ZNF229: variants seen among roughly 807,000 people sequenced by gnomAD.
The protein encoded by ZNF229 is zinc finger protein 229.
Under a neutral mutation model 11.8 loss-of-function variants are expected in ZNF229, and 10 were observed. The ratio of observed to expected loss-of-function variants is 0.85; its 90% CI spans 0.52 to 1.44. The LOEUF is 1.44. Among genes scored for constraint, ZNF229 ranks in the 40% most tolerant of loss-of-function variants. ZNF229 has a pLI of 0.00. For synonymous variants in ZNF229, 368 were observed against 374.8 expected, an observed-to-expected ratio of 0.98 and a Z score of 0.21; for missense variants, 1,045 against 1,015.1, an observed-to-expected ratio of 1.03 and a Z score of -0.40.
At chr19:44,432,536 G>A (rs1472432212) in intron 4 of ZNF229, among the ~76,000 whole-genome samples, 170 bp from the exon 5 acceptor site, 6 of 152,078 alleles carry the variant, frequency 3.9e-5, no homozygotes, top group African/African-American at 1.5e-4. Flanking sequence ...CATGTCCTTT[G>A]TAGGGACATG....
intron 4 of ZNF229, among the ~76,000 whole-genome samples, chr19:44,435,894 G>A (rs924445613): frequency 3.9e-5 from 6 of 152,210 alleles, no homozygotes; most frequent in African/African-American, 1.2e-4. Flanking sequence ...TGTGAAGTAG[G>A]CGGTGGCCAG....
chr19:44,437,848 T>C (rs545482668), intron 4 of ZNF229, among the ~76,000 whole-genome samples: 2 of 152,322 alleles, frequency 1.3e-5, no homozygotes, highest in African/African-American at 4.8e-5. Context: ...GCCATTATCC[T>C]AAGCAAAGTA....
In ZNF229 at chr19:44,428,605, C is replaced by T; in HGVS notation, c.2176G>A (p.Gly726Ser). ...ECGKGFRYGS[G>S]LLSHKRVHTG... Reference sequence around the variant, plus strand: ...TGCACTCTCTTATGACTAAGGAGACCTGAGCCATATCTGAAACCCTTCCCA... The same window carrying T: ...TGCACTCTCTTATGACTAAGGAGACTTGAGCCATATCTGAAACCCTTCCCA... Residue 726 changes from glycine (G) to serine (S), a missense_variant, in exon 6 of 6, where the codon GGT becomes AGT. By Grantham distance (56) the Gly-to-Ser change is moderately conservative (BLOSUM62 0). Transcript: ENST00000614049. 8.1e-6 allele frequency: 13 copies of T among 1,613,934 alleles called. No homozygotes were observed. The highest frequency in any genetic ancestry group is 1.0e-5 in the Non-Finnish European group (12 of 1,180,008).
intron 4 of ZNF229, among the ~76,000 whole-genome samples, chr19:44,433,989 G>A (rs1308719693): frequency 2.0e-5 from 3 of 152,110 alleles, no homozygotes; most frequent in South Asian, 2.1e-4. Context: ...GGATGGTCTC[G>A]ATCTCCTGAA....
In ZNF229 at chr19:44,429,276, G is replaced by A. The variant is rs199593570; in HGVS notation, c.1505C>T (p.Ser502Leu). 9.9e-6 allele frequency: 16 copies of A among 1,613,980 alleles called. No individual in the cohort carries two copies. The highest frequency in any genetic ancestry group is 6.7e-5 in the African/African-American group (5 of 74,832). ...DKCGKGFSHN[S>L]YLQAHQRVHM... ...AACTCTCTGGTGAGCTTGAAGGTAC[G>A]AGTTGTGACTGAAACCTTTGCCACA... Residue 502 changes from serine (S) to leucine (L), a missense_variant, in exon 6 of 6, where the codon TCG becomes TTG. Ser to Leu is a moderately radical substitution (Grantham distance 145). Coordinates refer to ENST00000614049, the MANE Select transcript of ZNF229 (RefSeq NM_014518.4).
rs954935247 is a variant in ZNF229, at chr19:44,427,966, A to G, written c.*337T>C. 1 of 218,906 alleles carries G rather than the reference A, an allele frequency of 4.6e-6. No homozygotes were observed. Among genetic ancestry groups the G allele is most frequent in the African/African-American group, 2.3e-5 (1 of 43,842 alleles). 13.6% of individuals were successfully genotyped at this position (218,906 alleles called of 1,614,324 possible). ...ACACAAAGAATCTATGTCCATAATT[A>G]GCACCTTGGAAACATTCTCACCACT... is the stretch of plus-strand genomic sequence containing the variant. On this transcript the variant is annotated 3_prime_UTR_variant, in exon 6 of 6. Transcript: ENST00000614049.
At chr19:44,441,074 G>A (rs559036564) in intron 4 of ZNF229, among the ~76,000 whole-genome samples, 13 of 152,168 alleles carry the variant, frequency 8.5e-5, no homozygotes, top group East Asian at 1.9e-4. Flanking sequence ...AGTCTTTGGC[G>A]TGGGGGAACA....
rs1330046665 is a variant in ZNF229, at chr19:44,430,475, C to T, written c.306G>A (p.Glu102=). Residue 102 remains glutamate, a synonymous_variant, in exon 6 of 6, where the codon GAG becomes GAA. Coordinates refer to ENST00000614049, the MANE Select transcript of ZNF229 (RefSeq NM_014518.4). ...DEELRFFSHK[E]LSSCKIWEEV... is the part of the protein sequence containing the mutation. ...CTTCCCAGATTTTGCATGAGGAGAG[C>T]TCTTTGTGTGAAAAGAACCTTAATT... is the stretch of plus-strand genomic sequence containing the variant. 3.1e-6 allele frequency: 5 copies of T among 1,614,160 alleles called. No homozygotes were observed. Among genetic ancestry groups the T allele is most frequent in the Middle Eastern group, 3.3e-4 (2 of 6,062 alleles).
At position 44,428,345 on chromosome 19, in the gene ZNF229, C is replaced by G; in HGVS notation, c.2436G>C (p.Arg812=). The G allele has an allele frequency of 6.2e-7, 1 of 1,613,788 alleles. No homozygotes were observed. Among genetic ancestry groups the G allele is most frequent in the Non-Finnish European group, 8.5e-7 (1 of 1,179,800 alleles). The part of the protein sequence containing the change: ...GKGFSYTSGL[R]NHQRVHLGEN... ...CGCCTAAATGCACTCTTTGGTGGTT[C>G]CGCAGACCTGAGGTATAACTGAAGC... is the stretch of plus-strand genomic sequence containing the variant. The change falls in exon 6 of 6, where the codon CGG becomes CGC. Residue 812 remains arginine, a synonymous_variant. Coordinates refer to ENST00000614049, the MANE Select transcript of ZNF229 (RefSeq NM_014518.4).
In ZNF229 at chr19:44,448,424, G is replaced by A. The variant is rs1347946589; in HGVS notation, c.-381C>T. On this transcript the variant is annotated 5_prime_UTR_variant, in exon 1 of 6. Transcript: ENST00000614049. ...TGGCCTGACAGTACAACCGCATGGA[G>A]ATGCACGTCTCTAAGACGCCTCACC... The A allele has an allele frequency of 6.6e-6, 1 of 152,286 alleles. No homozygotes were observed. Among genetic ancestry groups the A allele is most frequent in the African/African-American group, 2.4e-5 (1 of 41,458 alleles). The allele number at this position is 152,286 out of a possible 1,614,324, so 9.4% of individuals were successfully genotyped here. A position where few individuals can be genotyped will look rare whatever the true frequency, so the allele number is the denominator to read the frequency against.
chr19:44,444,979 C>T (rs569844688), intron 2 of ZNF229, among the ~76,000 whole-genome samples: 359 of 152,348 alleles, frequency 2.4e-3, no homozygotes, highest in Middle Eastern at 0.017. Context: ...ACACAATCTA[C>T]ACACTGATGA....
intron 4 of ZNF229, among the ~76,000 whole-genome samples, chr19:44,434,679 T>G (rs1390000374): frequency 6.6e-6 from 1 of 152,220 alleles, no homozygotes; most frequent in Non-Finnish European, 1.5e-5. Flanking sequence ...CTTCAGCATG[T>G]CCCTGGAGTA....
chr19:44,439,833 T>G (rs1289005897), intron 4 of ZNF229, among the ~76,000 whole-genome samples: 1 of 152,264 alleles, frequency 6.6e-6, no homozygotes, highest in East Asian at 1.9e-4. Context: ...TTGGGCATAT[T>G]AGCGAGGACA....
At position 44,442,547 on chromosome 19, in the gene ZNF229, A is replaced by G. The variant is rs1205836708; in HGVS notation, c.93+16T>C. 1.9e-6 allele frequency: 3 copies of G among 1,613,806 alleles called. No homozygotes were observed. In the South Asian group the frequency reaches 3.3e-5, roughly 18 times the overall value. ...GCCTAAGGTGGTATTTCGGGAGAGAAAAGAAAACAACCCACCTGAGACATG... is the reference window on the plus strand; with the variant it reads ...GCCTAAGGTGGTATTTCGGGAGAGAGAAGAAAACAACCCACCTGAGACATG... On this transcript the variant is annotated intron_variant, in intron 4 of 5. Coordinates refer to ENST00000614049, the MANE Select transcript of ZNF229 (RefSeq NM_014518.4).
At chr19:44,447,043 C>T (rs574538374) in intron 2 of ZNF229, among the ~76,000 whole-genome samples, 1 of 152,280 alleles carries the variant, frequency 6.6e-6, no homozygotes, top group South Asian at 2.1e-4. Flanking sequence ...CAGGTCTTAC[C>T]TGTTAAGTTT....
At chr19:44,442,434 G>T in intron 4 of ZNF229, 129 bp downstream of exon 4, 2 of 878,862 alleles carry the variant, frequency 2.3e-6, no homozygotes, top group Non-Finnish European at 3.6e-6. Context: ...ACTATTTTGT[G>T]GATAAATGCA....
chr19:44,428,074 A>T lies in ZNF229; in HGVS notation c.*229T>A, dbSNP rs1467053892. 2.0e-5 allele frequency: 10 copies of T among 491,002 alleles called. No homozygotes were observed. Among genetic ancestry groups the T allele is most frequent in the Non-Finnish European group, 2.5e-5 (7 of 280,766 alleles). 30.4% of individuals were successfully genotyped at this position (491,002 alleles called of 1,614,324 possible). A position where few individuals can be genotyped will look rare whatever the true frequency, so the allele number is the denominator to read the frequency against. On this transcript the variant is annotated 3_prime_UTR_variant, in exon 6 of 6. Transcript: ENST00000614049. The stretch of plus-strand genomic sequence containing the variant: ...GAAACCACTGCTGCACTGTTTCTTT[A>T]AAGCCTACTCCGCTGCACAACAGAC...
chr19:44,440,470 G>A (rs538572125), intron 4 of ZNF229, among the ~76,000 whole-genome samples: 3 of 152,132 alleles, frequency 2.0e-5, no homozygotes, highest in South Asian at 2.1e-4. Flanking sequence ...ATTAATGCCC[G>A]AGAGAACAGA....
rs1971680830 is a variant in ZNF229 at position 44,429,895 on chromosome 19, C to T, written c.886G>A (p.Asp296Asn). The change falls in exon 6 of 6, where the codon GAT becomes AAT. Residue 296 changes from aspartate (D) to asparagine (N), a missense_variant. Transcript: ENST00000614049. ...TGCCTCAAGCCCTCACTAAACTCATCATATTGACAGAGTTTCTCTTTCAAA... is the reference window on the plus strand; with the variant it reads ...TGCCTCAAGCCCTCACTAAACTCATTATATTGACAGAGTTTCTCTTTCAAA... Reference protein sequence around the residue: ...VPLKEKLCQYDEFSEGLRHSA... With the variant: ...VPLKEKLCQYNEFSEGLRHSA... The T allele has an allele frequency of 6.2e-7, 1 of 1,614,060 alleles. No individual in the cohort carries two copies. The highest frequency in any genetic ancestry group is 2.2e-5 in the East Asian group (1 of 44,880).
Sources: allele counts gnomAD v4.1 joint callset (sites outside exome capture counted in the v4.1 genomes callset), GRCh38; gene constraint gnomAD v4.1.1; transcripts MANE v1.5; gene names NCBI Gene and HGNC (gene_info 2026-07-23, HGNC 2026-07-21).